TIAM1: variants seen among roughly 807,000 people sequenced by gnomAD.
TIAM1 encodes rho guanine nucleotide exchange factor TIAM1.
Under a neutral mutation model 163.5 loss-of-function variants are expected in TIAM1, and 65 were observed. The observed-to-expected ratio is 0.40, with a 90% CI of 0.33 to 0.49. The LOEUF (loss-of-function observed/expected upper bound fraction) is 0.49, where lower values mean the gene tolerates loss of function less well. TIAM1 is among the 20% of genes least tolerant of loss of function. The pLI is 0.77. For missense variants in TIAM1, 1,789 were observed against 2,044.7 expected (o/e 0.87, Z 2.41); for synonymous variants, 833 against 810.1 (o/e 1.03, Z -0.48).
At chr21:31,153,176 T>G (rs1157283360) in intron 17 of TIAM1, 42 bp from the exon 18 acceptor site, 3 of 1,503,362 alleles carry the variant, frequency 2.0e-6, no homozygotes, top group Non-Finnish European at 2.7e-6. Context: ...TGTGTTTTAT[T>G]TTTTATATAC....
At chr21:31,463,436 T>C (rs568742328) in intron 2 of TIAM1, among the ~76,000 whole-genome samples, 4 of 152,258 alleles carry the variant, frequency 2.6e-5, no homozygotes, top group South Asian at 4.2e-4. Context: ...ACCAGCTACA[T>C]CGCCAGCACC....
At chr21:31,208,768 G>A (rs185374018) in intron 11 of TIAM1, among the ~76,000 whole-genome samples, 201 of 152,222 alleles carry the variant, frequency 1.3e-3, no homozygotes, top group African/African-American at 4.0e-3. Context: ...TTAAAAAGCC[G>A]TCTGTGATTT....
intron 14 of TIAM1, among the ~76,000 whole-genome samples, chr21:31,185,245 G>A (rs1261293472): frequency 3.3e-5 from 5 of 151,782 alleles, no homozygotes; most frequent in South Asian, 2.1e-4. Flanking sequence ...TATTTACAGC[G>A]AGTATAGTGG....
chr21:31,534,385 C>T (rs554761482), intron 1 of TIAM1, among the ~76,000 whole-genome samples: 16 of 152,172 alleles, frequency 1.1e-4, no homozygotes, highest in African/African-American at 3.6e-4. Flanking sequence ...CAAAGAAGCA[C>T]TTAAGAATCC....
chr21:31,174,054 C>T (rs771949632), intron 15 of TIAM1, among the ~76,000 whole-genome samples: 2 of 152,268 alleles, frequency 1.3e-5, no homozygotes, highest in East Asian at 3.9e-4. Context: ...CATGTGCTGC[C>T]GGGTATCTGT....
Position 31,495,256 on chromosome 21 carries a change from A to G in TIAM1, c.-421-31221T>C, listed in dbSNP as rs1185641002. ...CCTGAGACTAGGTAATTTATAAAGA[A>G]GAGAAATTTATTTTCTCACAGTTCC... On this transcript the variant is annotated intron_variant, in intron 1 of 28. Coordinates refer to the TIAM1 transcript ENST00000286827. 5.3e-5 allele frequency among the ~76,000 whole-genome samples: 8 copies of G among 152,310 alleles called. No individual in the cohort carries two copies. The East Asian group carries it at 1.5e-3, about 29-fold the overall frequency.
chr21:31,174,542 C>T (rs571482347), intron 15 of TIAM1, among the ~76,000 whole-genome samples: 5 of 152,352 alleles, frequency 3.3e-5, no homozygotes, highest in East Asian at 1.9e-4. Flanking sequence ...GTTAGCCACA[C>T]GCACTTGGCT....
chr21:31,125,827 G>C (rs941845631), intron 26 of TIAM1, among the ~76,000 whole-genome samples: 1 of 152,178 alleles, frequency 6.6e-6, no homozygotes, highest in South Asian at 2.1e-4. Context: ...CGCCTGCCTT[G>C]GCCTCCCAAA....
intron 2 of TIAM1, among the ~76,000 whole-genome samples, chr21:31,387,401 TGG>T (rs2076893545): frequency 6.6e-6 from 1 of 151,612 alleles, no homozygotes; most frequent in Non-Finnish European, 1.5e-5. Context: ...TTTTATATCA[TGG>T]GGTTTCGCCA....
intron 1 of TIAM1, among the ~76,000 whole-genome samples, chr21:31,546,958 TGG>T (rs35193144): frequency 0.44 from 67,000 of 151,088 alleles, 15,924 homozygotes; most frequent in African/African-American, 0.63. Flanking sequence ...CCCAAAATAG[TGG>T]GGGGGGGCTG....
At chr21:31,488,198 G>A (rs1365757127) in intron 1 of TIAM1, among the ~76,000 whole-genome samples, 1 of 152,178 alleles carries the variant, frequency 6.6e-6, no homozygotes, top group African/African-American at 2.4e-5. Context: ...GAATGTCTAT[G>A]CCGACGCTGG....
At chr21:31,429,518 G>A (rs2043920897) in intron 2 of TIAM1, among the ~76,000 whole-genome samples, 1 of 152,154 alleles carries the variant, frequency 6.6e-6, no homozygotes, top group Non-Finnish European at 1.5e-5. Context: ...GAGGCGGAGG[G>A]GTGTGCCCTG....
chr21:31,275,593 T>G (rs182898522), intron 3 of TIAM1, among the ~76,000 whole-genome samples: 220 of 152,352 alleles, frequency 1.4e-3, no homozygotes, highest in African/African-American at 4.8e-3. Context: ...TTGTCTTGTT[T>G]TTAAGTACCC....
chr21:31,464,261 C>T lies in TIAM1; in HGVS notation c.-421-226G>A, dbSNP rs75747920. Among the ~76,000 whole-genome samples the T allele has an allele frequency of 5.8e-3, 884 of 152,324 alleles. 7 individuals are homozygous for T. Among genetic ancestry groups the T allele is most frequent in the African/African-American group, 0.02 (851 of 41,578 alleles). On this transcript the variant is annotated intron_variant, in intron 1 of 28. Coordinates refer to the TIAM1 transcript ENST00000286827. ...GACCTTGAAATAAAGATGGAGTCCACACAGAGTCAACCCCGGCACATCACC... is the reference window on the plus strand; with the variant it reads ...GACCTTGAAATAAAGATGGAGTCCATACAGAGTCAACCCCGGCACATCACC...
upstream of TIAM1, among the ~76,000 whole-genome samples, chr21:31,345,420 CT>C (rs1409149628): frequency 2.0e-5 from 3 of 150,990 alleles, no homozygotes; most frequent in Non-Finnish European, 4.4e-5. Context: ...TTAAACTTGA[CT>C]CAAATATATA....
In TIAM1 at chr21:31,154,331, C is replaced by T; in HGVS notation, c.3087G>A (p.Leu1029=). 1 of 1,614,126 alleles carries T rather than the reference C, an allele frequency of 6.2e-7. No individual in the cohort carries two copies. Among genetic ancestry groups the T allele is most frequent in the Non-Finnish European group, 8.5e-7 (1 of 1,180,018 alleles). ...CATCCGAGAGTTGTCTCATGGTCGC[C>T]AGCTGAGGCCCCGTGGAGTCCTGAG... ...PSPQDSTGPQ[L]ATMRQLSDAD... The change falls in exon 17 of 28, where the codon CTG becomes CTA. Residue 1029 remains leucine (L), a synonymous_variant. Coordinates refer to ENST00000541036, the MANE Select transcript of TIAM1 (RefSeq NM_001353694.2).
chr21:31,452,246 G>A (rs2044890077), intron 2 of TIAM1, among the ~76,000 whole-genome samples: 1 of 152,122 alleles, frequency 6.6e-6, no homozygotes, highest in African/African-American at 2.4e-5. Flanking sequence ...AAGACCAGCC[G>A]AGCCAACATG....
chr21:31,287,141 G>A (rs888083984), intron 2 of TIAM1, among the ~76,000 whole-genome samples: 3 of 152,104 alleles, frequency 2.0e-5, no homozygotes, highest in South Asian at 4.1e-4. Context: ...GGGTTTAGTG[G>A]TGCCATTTTC....
intron 2 of TIAM1, among the ~76,000 whole-genome samples, chr21:31,410,174 GTGTA>G (rs976810777): frequency 3.3e-5 from 5 of 150,682 alleles, no homozygotes; most frequent in African/African-American, 7.4e-5. Context: ...GTGAAAAAGG[GTGTA>G]TGTGTGAGTG....
Sources: allele counts gnomAD v4.1 joint callset (sites outside exome capture counted in the v4.1 genomes callset), GRCh38; gene constraint gnomAD v4.1.1; transcripts MANE v1.5; gene names NCBI Gene and HGNC (gene_info 2026-07-23, HGNC 2026-07-21).